Variants in GRIP1 observed in about 807,000 individuals in gnomAD.
The protein encoded by GRIP1 is glutamate receptor-interacting protein 1.
In GRIP1, 45 loss-of-function variants were observed where a neutral mutation model predicts 129.9. That is an observed-to-expected ratio of 0.35 (90% CI 0.27 to 0.44). The LOEUF is 0.44. GRIP1 is among the 20% of genes least tolerant of loss of function. The pLI, the probability that GRIP1 is intolerant of heterozygous loss-of-function variation, is 1.00. For missense variants in GRIP1, 1,196 were observed against 1,396.8 expected (o/e 0.86, Z 2.29); for synonymous variants, 530 against 520.8 (o/e 1.02, Z -0.24).
chr12:67,051,236 T>C (rs963862825), intron 1 of GRIP1, among the ~76,000 whole-genome samples: 1 of 152,144 alleles, frequency 6.6e-6, no homozygotes, highest in African/African-American at 2.4e-5. Flanking sequence ...GGGGCTGGAC[T>C]ACAACCTGTG....
intron 1 of GRIP1, among the ~76,000 whole-genome samples, chr12:66,860,093 A>T (rs901058066): frequency 6.6e-6 from 1 of 152,094 alleles, no homozygotes; most frequent in African/African-American, 2.4e-5. Context: ...AATTTAATAT[A>T]AGATCCTCAG....
intron 1 of GRIP1, among the ~76,000 whole-genome samples, chr12:66,848,891 T>C (rs1401072217): frequency 1.3e-5 from 2 of 152,156 alleles, no homozygotes; most frequent in Non-Finnish European, 2.9e-5. Context: ...CCCAAATTTA[T>C]AAATGAGAGG....
intron 1 of GRIP1, among the ~76,000 whole-genome samples, chr12:66,802,220 T>C (rs1391615656): frequency 6.6e-6 from 1 of 152,152 alleles, no homozygotes. Flanking sequence ...ATTCTGTTTA[T>C]TATGTAGTAG....
chr12:66,667,913 T>C (rs894482088), intron 1 of GRIP1, among the ~76,000 whole-genome samples: 5 of 152,186 alleles, frequency 3.3e-5, no homozygotes, highest in East Asian at 1.9e-4. Flanking sequence ...TGTGGTTCCA[T>C]GGCCAGGAAG....
At position 66,629,994 on chromosome 12, in the gene GRIP1, T is replaced by A. The variant is rs1018980668; in HGVS notation, c.56-33067A>T. On this transcript the variant is annotated intron_variant, in intron 1 of 24. Coordinates refer to ENST00000359742, the MANE Select transcript of GRIP1 (RefSeq NM_001366722.1). ...TGGGGGCCTTTACACACTTTTTTTT[T>A]AAATAATAAATTTTGCAGCTACAAT... 1.7e-4 allele frequency among the ~76,000 whole-genome samples: 26 copies of A among 152,138 alleles called. 1 individual carries two copies. The highest frequency in any genetic ancestry group is 9.2e-4 in the Admixed American group (14 of 15,270).
At chr12:66,349,341 C>CA (rs2054117974) in intron 24 of GRIP1, 95 bp from the exon 25 acceptor site, 1 of 966,584 alleles carries the variant, frequency 1.0e-6, no homozygotes, top group South Asian at 1.3e-5. Context: ...TGTTTGAAGT[C>CA]ATGAAGGTGC....
intron 1 of GRIP1, among the ~76,000 whole-genome samples, chr12:66,643,571 G>T (rs998107608): frequency 3.9e-5 from 6 of 152,036 alleles, no homozygotes; most frequent in African/African-American, 1.4e-4. Context: ...TTAGAATTAT[G>T]ATTGGTTTTG....
At chr12:66,840,575 A>ATTTTTC (rs1555244581) in intron 1 of GRIP1, among the ~76,000 whole-genome samples, 3 of 152,208 alleles carry the variant, frequency 2.0e-5, no homozygotes, top group Non-Finnish European at 4.4e-5. Context: ...TTTTCTTGCC[A>ATTTTTC]GTGATGTTAT....
At chr12:66,441,075 T>C (rs1031627525) in intron 13 of GRIP1, among the ~76,000 whole-genome samples, 2 of 152,192 alleles carry the variant, frequency 1.3e-5, no homozygotes, top group Non-Finnish European at 2.9e-5. Flanking sequence ...TCTCCACTCA[T>C]TCCTCAGCTC....
chr12:66,557,149 G>A (rs2062363918), intron 2 of GRIP1, among the ~76,000 whole-genome samples: 2 of 151,918 alleles, frequency 1.3e-5, no homozygotes, highest in African/African-American at 4.8e-5. Flanking sequence ...CTATGCCAAT[G>A]GAAACCACAA....
At chr12:66,448,585 G>C (rs1361420770) in intron 11 of GRIP1, among the ~76,000 whole-genome samples, 1 of 151,828 alleles carries the variant, frequency 6.6e-6, no homozygotes, top group Non-Finnish European at 1.5e-5. Flanking sequence ...TTTCTCTTTA[G>C]TTTCTGTCAA....
At chr12:66,979,240 A>ACAAAC (rs1238523474) in intron 1 of GRIP1, among the ~76,000 whole-genome samples, 1 of 146,364 alleles carries the variant, frequency 6.8e-6, no homozygotes, top group South Asian at 2.2e-4. Context: ...AAAAAAAAAA[A>ACAAAC]AAAAAAAAAA....
At chr12:66,366,134 C>A (rs1247077032) in intron 23 of GRIP1, among the ~76,000 whole-genome samples, 1 of 152,208 alleles carries the variant, frequency 6.6e-6, no homozygotes, top group African/African-American at 2.4e-5. Context: ...GTGATTTCCA[C>A]AGTACACAAT....
intron 1 of GRIP1, among the ~76,000 whole-genome samples, chr12:66,744,964 T>C (rs2036900761): frequency 6.6e-6 from 1 of 152,182 alleles, no homozygotes; most frequent in Admixed American, 6.5e-5. Context: ...ATCATTCTGG[T>C]CCTATAAAAG....
At chr12:66,973,480 A>AT (rs2042105906) in intron 1 of GRIP1, among the ~76,000 whole-genome samples, 1 of 150,556 alleles carries the variant, frequency 6.6e-6, no homozygotes. Context: ...CCGCCTCCAT[A>AT]TAGGAGAGTG....
At chr12:66,944,991 T>A (rs542901503) in intron 1 of GRIP1, among the ~76,000 whole-genome samples, 1 of 152,148 alleles carries the variant, frequency 6.6e-6, no homozygotes, top group East Asian at 1.9e-4. Flanking sequence ...CAGGGTTTTG[T>A]CTTGTTGGCC....
chr12:66,824,827 T>C (rs1482412881), intron 1 of GRIP1, among the ~76,000 whole-genome samples: 2 of 152,142 alleles, frequency 1.3e-5, no homozygotes, highest in Admixed American at 6.5e-5. Flanking sequence ...TTTTTTTAAA[T>C]TACTGGAAAT....
rs140723412 is a variant in GRIP1 at position 66,368,338 on chromosome 12, A to T, written c.3012+3356T>A. On this transcript the variant is annotated intron_variant, in intron 23 of 24. Transcript: ENST00000359742. Reference sequence around the variant, plus strand: ...TATAGTGAAAATAATAAGGTTTAACAGGTGCTGGTCTAGATATGAACAGGC... The same window carrying T: ...TATAGTGAAAATAATAAGGTTTAACTGGTGCTGGTCTAGATATGAACAGGC... Among the ~76,000 whole-genome samples the T allele has an allele frequency of 5.6e-3, 859 of 152,334 alleles. 5 individuals carry two copies. Among genetic ancestry groups the T allele is most frequent in the Non-Finnish European group, 8.4e-3 (569 of 68,034 alleles).
At chr12:66,691,902 A>G (rs570991656) in intron 1 of GRIP1, among the ~76,000 whole-genome samples, 38 of 152,340 alleles carry the variant, frequency 2.5e-4, no homozygotes, top group African/African-American at 9.1e-4. Context: ...GCTCACAGGA[A>G]GCATCATAAA....
Sources: gnomAD v4.1 joint callset for allele counts (sites outside exome capture counted in the v4.1 genomes callset) on GRCh38, gnomAD v4.1.1 for gene constraint, MANE v1.5 for transcripts, NCBI Gene and HGNC (gene_info 2026-07-23, HGNC 2026-07-21) for gene names.